The following UBTF variants were observed in gnomAD, a reference collection of about 807,000 sequenced individuals.
UBTF encodes nucleolar transcription factor 1.
UBTF carries 8 observed loss-of-function variants against 112.3 expected under a neutral mutation model. The ratio of observed to expected loss-of-function variants is 0.07; its 90% CI spans 0.04 to 0.13. The LOEUF (loss-of-function observed/expected upper bound fraction) is 0.13. Among genes scored for constraint, UBTF ranks in the 10% least tolerant of loss-of-function variants. The pLI, the probability that UBTF is intolerant of heterozygous loss-of-function variation, is 1.00. For synonymous variants in UBTF, 417 were observed against 373.1 expected, an observed-to-expected ratio of 1.12 and a Z score of -1.36; for missense variants, 457 against 982.1, an observed-to-expected ratio of 0.47 and a Z score of 7.15.
intron 4 of UBTF, 22 bp from the exon 5 acceptor site, chr17:44,215,831 C>T (rs763661202): frequency 1.9e-6 from 3 of 1,614,080 alleles, no homozygotes. Flanking sequence ...GACAAGGACA[C>T]AATGGAGGTC....
intron 5 of UBTF, among the ~76,000 whole-genome samples, chr17:44,214,560 G>C (rs537327537): frequency 4.4e-4 from 67 of 152,252 alleles, no homozygotes; most frequent in Admixed American, 8.5e-4. Flanking sequence ...GTTTGGGTGT[G>C]TGCAGTCAAC....
upstream of UBTF, among the ~76,000 whole-genome samples, chr17:44,220,162 G>C (rs1598280495): frequency 1.3e-5 from 2 of 151,750 alleles, no homozygotes; most frequent in African/African-American, 4.8e-5. Context: ...GGGCGGGCGG[G>C]CGCCGAGAGC....
Position 44,218,277 on chromosome 17 carries a change from G to A in UBTF, c.-48C>T. The A allele has an allele frequency of 6.2e-7, 1 of 1,603,874 alleles. No individual in the cohort carries two copies. The highest frequency in any genetic ancestry group is 8.5e-7 in the Non-Finnish European group (1 of 1,174,870). Reference sequence around the variant, plus strand: ...CTCGGTCGTGCTGGCCGGGCAACCCGGGGTCAAAGCCACCTCACCCTTTGG... The same window carrying A: ...CTCGGTCGTGCTGGCCGGGCAACCCAGGGTCAAAGCCACCTCACCCTTTGG... On this transcript the variant is annotated 5_prime_UTR_variant, in exon 2 of 21. Coordinates refer to ENST00000436088, the MANE Select transcript of UBTF (RefSeq NM_014233.4).
intron 17 of UBTF, chr17:44,208,860 C>G (rs926409919): frequency 3.2e-6 from 1 of 311,064 alleles, no homozygotes; most frequent in African/African-American, 2.3e-5. Context: ...AGTTACTTAA[C>G]CTCTCTGAGC....
intron 13 of UBTF, 73 bp downstream of exon 13, chr17:44,210,719 C>G: frequency 6.5e-7 from 1 of 1,534,486 alleles, no homozygotes; most frequent in South Asian, 1.2e-5. Context: ...GGCGAGGTGG[C>G]ACGGCCCGCC....
rs2056333984 is a variant in UBTF at position 44,207,568 on chromosome 17, C to T, written c.2055G>A (p.Glu685=). 4 of 1,614,026 alleles carry T rather than the reference C, an allele frequency of 2.5e-6. No individual in the cohort carries two copies. The highest frequency in any genetic ancestry group is 1.3e-5 in the African/African-American group (1 of 74,896). ...CTTCTTCATCCTCGTCCTCGTCATC[C>T]TCATCCTCTTCATCATCCTCCTCGG... The part of the protein sequence containing the change: ...SESEEDDEED[E]DDEDEDEEEE... Residue 685 remains glutamate, a synonymous_variant, in exon 20 of 21, where the codon GAG becomes GAA. Coordinates refer to ENST00000436088, the MANE Select transcript of UBTF (RefSeq NM_014233.4).
At chr17:44,220,834 G>A (rs1409527338), upstream of UBTF, 2 of 152,150 alleles carry the variant, frequency 1.3e-5, no homozygotes, top group African/African-American at 4.8e-5. Context: ...CGCCGGGGCA[G>A]CGAGTCGCCA....
Position 44,207,445 on chromosome 17 carries a change from C to T in UBTF, c.2169+9G>A, listed in dbSNP as rs748566542. 21 of 1,613,192 alleles carry T rather than the reference C, an allele frequency of 1.3e-5. No individual in the cohort carries two copies. The Admixed American group carries it at 2.3e-4, about 18-fold the overall frequency. On this transcript the variant is annotated intron_variant, in intron 20 of 20. Coordinates refer to ENST00000436088, the MANE Select transcript of UBTF (RefSeq NM_014233.4). ...CCCCTCCCCTCCCACTGTGCCCTGT[C>T]TGCCCCACCTCATCCCCATCCTCGC...
chr17:44,210,275 C>T lies in UBTF; in HGVS notation c.1516-41G>A, dbSNP rs748032104. On this transcript the variant is annotated intron_variant, in intron 14 of 20. Coordinates refer to ENST00000436088, the MANE Select transcript of UBTF (RefSeq NM_014233.4). ...GGTATCAGCCGTGGGAGGGGTCACC[C>T]GGGGCTAGAGGCTGCAGTACTACCC... The T allele has an allele frequency of 5.0e-6, 8 of 1,614,126 alleles. No individual in the cohort carries two copies. The African/African-American group carries it at 5.3e-5, about 11-fold the overall frequency.
At chr17:44,209,322 G>A in intron 17 of UBTF, 30 bp downstream of exon 17, 1 of 1,563,046 alleles carries the variant, frequency 6.4e-7, no homozygotes, top group South Asian at 1.2e-5. Context: ...ATGCCTCTCT[G>A]TTCCTTCCAA....
At chr17:44,215,519 A>G in intron 5 of UBTF, 135 bp downstream of exon 5, 1 of 1,126,922 alleles carries the variant, frequency 8.9e-7, no homozygotes, top group Non-Finnish European at 1.3e-6. Flanking sequence ...GTGGCTGCCC[A>G]GGACCTATTC....
chr17:44,215,223 C>T (rs911613466), intron 5 of UBTF: 4 of 170,310 alleles, frequency 2.3e-5, no homozygotes, highest in African/African-American at 9.6e-5. Context: ...AACCCTCCTG[C>T]ACCTCAGTTC....
Position 44,209,046 on chromosome 17 carries a change from G to A in UBTF, c.1905+306C>T, listed in dbSNP as rs181957850. 6.0e-5 allele frequency: 20 copies of A among 333,632 alleles called. No homozygotes were observed. In the East Asian group the frequency reaches 1.7e-3, roughly 29 times the overall value. 20.7% of individuals were successfully genotyped at this position (333,632 alleles called of 1,614,324 possible). A position where few individuals can be genotyped will look rare whatever the true frequency, so the allele number is the denominator to read the frequency against. On this transcript the variant is annotated intron_variant, in intron 17 of 20. Coordinates refer to ENST00000436088, the MANE Select transcript of UBTF (RefSeq NM_014233.4). ...TAGCCAGGTGTGGTGGTACATGTCT[G>A]TAGCCCCAGCTACTCTGGAGGCTGT...
chr17:44,212,705 C>G, intron 7 of UBTF, 114 bp downstream of exon 7: 1 of 1,543,620 alleles, frequency 6.5e-7, no homozygotes, highest in Non-Finnish European at 8.8e-7. Context: ...CAGCCCACCC[C>G]TGGGGAGGGG....
At position 44,210,945 on chromosome 17, in the gene UBTF, G is replaced by A. The variant is rs199871004; in HGVS notation, c.1206C>T (p.Gly402=). 1.2e-5 allele frequency: 20 copies of A among 1,605,930 alleles called. No homozygotes were observed. The Admixed American group carries it at 1.5e-4, about 12-fold the overall frequency. The change falls in exon 13 of 21, where the codon GGC becomes GGT. Residue 402 remains glycine, a splice_region_variant and synonymous_variant. Coordinates refer to ENST00000436088, the MANE Select transcript of UBTF (RefSeq NM_014233.4). ...CGGGCCGCTTGGGCTTCTCGGAGCC[G>A]CCCTGTCCAGGTGCAGAGGGTCGGG... ...SKKPAQEGGK[G]GSEKPKRPVS...
chr17:44,220,089 G>C (rs1450966730), upstream of UBTF, among the ~76,000 whole-genome samples: 73 of 146,494 alleles, frequency 5.0e-4, no homozygotes, highest in Admixed American at 1.1e-3. Context: ...CGGGGAAGGG[G>C]GGGGGGGCCG....
In UBTF at chr17:44,207,928, C is replaced by G. The variant is rs200548715; in HGVS notation, c.1906-17G>C. ...AGACAGGCTCTGGGGGAGACAGAAG[C>G]GGCAAGGGTTGGAACATAGCCAACT... On this transcript the variant is annotated splice_polypyrimidine_tract_variant and intron_variant, in intron 17 of 20. Coordinates refer to ENST00000436088, the MANE Select transcript of UBTF (RefSeq NM_014233.4). 1.2e-6 allele frequency: 2 copies of G among 1,613,616 alleles called. No homozygotes were observed. The highest frequency in any genetic ancestry group is 2.2e-5 in the South Asian group (2 of 91,054).
At position 44,208,005 on chromosome 17, in the gene UBTF, T is replaced by C. The variant is rs565579764; in HGVS notation, c.1906-94A>G. 8 of 1,520,272 alleles carry C rather than the reference T, an allele frequency of 5.3e-6. No individual in the cohort carries two copies. The East Asian group carries it at 1.4e-4, about 26-fold the overall frequency. The allele number at this position is 1,520,272 out of a possible 1,614,324, so 94.2% of individuals were successfully genotyped here. A position where few individuals can be genotyped will look rare whatever the true frequency, so the allele number is the denominator to read the frequency against. On this transcript the variant is annotated intron_variant, in intron 17 of 20. Coordinates refer to ENST00000436088, the MANE Select transcript of UBTF (RefSeq NM_014233.4). ...TGCTAGGCAGTGGGCTGAGCATTTATATATCATCACCCCATCTTACCCCTC... is the reference window on the plus strand; with the variant it reads ...TGCTAGGCAGTGGGCTGAGCATTTACATATCATCACCCCATCTTACCCCTC...
At chr17:44,209,195 A>G (rs1247628982) in intron 17 of UBTF, 157 bp downstream of exon 17, 6 of 694,582 alleles carry the variant, frequency 8.6e-6, no homozygotes, top group Non-Finnish European at 1.1e-5. Flanking sequence ...TAAAAATAAA[A>G]GGGTGATAGT....
Sources: gnomAD v4.1 joint callset for allele counts (sites outside exome capture counted in the v4.1 genomes callset) on GRCh38, gnomAD v4.1.1 for gene constraint, MANE v1.5 for transcripts, NCBI Gene and HGNC (gene_info 2026-07-23, HGNC 2026-07-21) for gene names.